Variants in DHRS7B observed in about 807,000 individuals in gnomAD.
The protein encoded by DHRS7B is peroxisomal reductase activating PPAR-gamma.
In DHRS7B, 24 loss-of-function variants were observed where a neutral mutation model predicts 26.4. The ratio of observed to expected loss-of-function variants is 0.91; its 90% CI spans 0.66 to 1.28. DHRS7B has a LOEUF of 1.28. DHRS7B is among the 50% of genes most tolerant of loss of function. DHRS7B has a pLI of 0.00. For synonymous variants in DHRS7B, 142 were observed against 166.4 expected (o/e 0.85, Z 1.13); for missense variants, 368 against 419.4 (o/e 0.88, Z 1.07).
At chr17:21,130,886 G>A (rs1261890107) in intron 1 of DHRS7B, among the ~76,000 whole-genome samples, 1 of 152,138 alleles carries the variant, frequency 6.6e-6, no homozygotes, top group Admixed American at 6.5e-5. Flanking sequence ...AAGCATGAGG[G>A]TGAAAATTGG....
At chr17:21,186,961 G>C (rs1974648506) in intron 5 of DHRS7B, among the ~76,000 whole-genome samples, 1 of 152,110 alleles carries the variant, frequency 6.6e-6, no homozygotes. Context: ...GTAACTCACT[G>C]GGGAGGACTA....
intron 1 of DHRS7B, among the ~76,000 whole-genome samples, chr17:21,144,839 T>C (rs1254654846): frequency 6.6e-6 from 1 of 151,720 alleles, no homozygotes; most frequent in African/African-American, 2.4e-5. Context: ...ATAATAATAA[T>C]ATTTTCCAAT....
chr17:21,150,968 A>G (rs1332268065), intron 1 of DHRS7B, among the ~76,000 whole-genome samples: 1 of 152,234 alleles, frequency 6.6e-6, no homozygotes, highest in Non-Finnish European at 1.5e-5. Context: ...TACCACAAAC[A>G]TTAATATACA....
At chr17:21,175,674 A>G (rs576682332) in intron 2 of DHRS7B, among the ~76,000 whole-genome samples, 32 of 152,336 alleles carry the variant, frequency 2.1e-4, no homozygotes, top group African/African-American at 7.5e-4. Context: ...GCAGTGGCTC[A>G]TGCCTGTAAT....
chr17:21,152,823 C>T (rs1973801252), intron 1 of DHRS7B, among the ~76,000 whole-genome samples: 2 of 152,158 alleles, frequency 1.3e-5, no homozygotes, highest in Non-Finnish European at 2.9e-5. Context: ...TCCTGTCCCA[C>T]CTGAAGGGGG....
At chr17:21,168,090 C>T (rs1312402072) in intron 1 of DHRS7B, among the ~76,000 whole-genome samples, 1 of 152,162 alleles carries the variant, frequency 6.6e-6, no homozygotes, top group Non-Finnish European at 1.5e-5. Context: ...ATCCTGACTT[C>T]CAAAGACAAG....
chr17:21,158,456 G>A (rs1189158573), intron 1 of DHRS7B, among the ~76,000 whole-genome samples: 1 of 152,184 alleles, frequency 6.6e-6, no homozygotes. Flanking sequence ...TCACTTTTCT[G>A]TATACCAGCC....
At chr17:21,188,341 T>C (rs1173446239) in intron 5 of DHRS7B, among the ~76,000 whole-genome samples, 2 of 152,216 alleles carry the variant, frequency 1.3e-5, no homozygotes, top group Admixed American at 1.3e-4. Flanking sequence ...TTTATAATTT[T>C]TTTCCTGAAC....
intron 3 of DHRS7B, among the ~76,000 whole-genome samples, chr17:21,179,503 G>GTA (rs1381919243): frequency 3.2e-4 from 49 of 152,096 alleles, no homozygotes; most frequent in Non-Finnish European, 6.8e-4. Flanking sequence ...AGAAGGCTGA[G>GTA]GCAGCAGAAT....
chr17:21,138,066 T>TAAAAAAAAAAAA (rs1555536184), intron 1 of DHRS7B, among the ~76,000 whole-genome samples: 3 of 35,244 alleles, frequency 8.5e-5, no homozygotes, highest in African/African-American at 5.2e-4. Context: ...CGGCCTCTTT[T>TAAAAAAAAAAAA]AAAAAAAAAA....
intron 2 of DHRS7B, among the ~76,000 whole-genome samples, chr17:21,177,494 G>C (rs911813976): frequency 6.6e-6 from 1 of 152,190 alleles, no homozygotes; most frequent in Admixed American, 6.5e-5. Flanking sequence ...GAATAGTGTG[G>C]TGGGCTTGGT....
rs1348041893 is a variant in DHRS7B, at chr17:21,191,080, C to T, written c.905C>T (p.Thr302Ile). ...CCTTCCTTGGCTGTTTATCTTCGAA[C>T]TCTGGCTCCTGGGCTCTTCTTCAGC... ...LLPSLAVYLR[T>I]LAPGLFFSLM... The change falls in exon 7 of 7, where the codon ACT becomes ATT. Residue 302 changes from threonine (T) to isoleucine (I), a missense_variant. Thr to Ile is a moderately conservative substitution (Grantham distance 89, BLOSUM62 -1). Coordinates refer to ENST00000395511, the MANE Select transcript of DHRS7B (RefSeq NM_015510.5). The T allele has an allele frequency of 1.2e-6, 2 of 1,614,218 alleles. No individual in the cohort carries two copies. The highest frequency in any genetic ancestry group is 1.7e-6 in the Non-Finnish European group (2 of 1,180,050).
intron 1 of DHRS7B, among the ~76,000 whole-genome samples, chr17:21,151,388 C>A (rs1222876867): frequency 6.6e-6 from 1 of 152,032 alleles, no homozygotes; most frequent in East Asian, 1.9e-4. Flanking sequence ...TTGGCAGGCA[C>A]CTGTAATCCC....
At chr17:21,175,361 C>A (rs1054962435) in intron 2 of DHRS7B, among the ~76,000 whole-genome samples, 3 of 152,238 alleles carry the variant, frequency 2.0e-5, no homozygotes, top group Non-Finnish European at 4.4e-5. Flanking sequence ...ACCTTTCCTT[C>A]CCAGCTGAGG....
Position 21,178,249 on chromosome 17 carries a change from C to G in DHRS7B, c.216C>G (p.Phe72Leu). The change falls in exon 3 of 7, where the codon TTC becomes TTG. Residue 72 changes from phenylalanine (F) to leucine (L), a missense_variant. Transcript: ENST00000395511. ...SGLGKECAKV[F>L]YAAGAKLVLC... Reference sequence around the variant, plus strand: ...TTCCCTTAGAATGTGCAAAAGTCTTCTATGCTGCGGGTGCTAAACTGGTGC... The same window carrying G: ...TTCCCTTAGAATGTGCAAAAGTCTTGTATGCTGCGGGTGCTAAACTGGTGC... The G allele has an allele frequency of 3.1e-6, 5 of 1,614,252 alleles. No homozygotes were observed. Among genetic ancestry groups the G allele is most frequent in the Non-Finnish European group, 4.2e-6 (5 of 1,180,046 alleles).
In DHRS7B at chr17:21,183,596, G is replaced by T. The variant is rs777571423; in HGVS notation, c.312G>T (p.Val104=). 2 of 1,612,654 alleles carry T rather than the reference G, an allele frequency of 1.2e-6. No homozygotes were observed. The highest frequency in any genetic ancestry group is 1.7e-6 in the Non-Finnish European group (2 of 1,180,006). The part of the protein sequence containing the change: ...RELTASHATK[V]QTHKPYLVTF... Reference sequence around the variant, plus strand: ...TTGTATCTGTTGTATTTGACCAGGTGCAGACACACAAGCCTTACTTGGTGA... The same window carrying T: ...TTGTATCTGTTGTATTTGACCAGGTTCAGACACACAAGCCTTACTTGGTGA... The change falls in exon 4 of 7, where the codon GTG becomes GTT. Residue 104 remains valine, a splice_region_variant and synonymous_variant. Transcript: ENST00000395511.
At chr17:21,151,009 G>A (rs2143994661) in intron 1 of DHRS7B, among the ~76,000 whole-genome samples, 1 of 152,202 alleles carries the variant, frequency 6.6e-6, no homozygotes, top group African/African-American at 2.4e-5. Flanking sequence ...CTCCAAGTAG[G>A]ACAGACACAA....
At chr17:21,174,818 T>C (rs1974337380) in intron 2 of DHRS7B, among the ~76,000 whole-genome samples, 1 of 152,310 alleles carries the variant, frequency 6.6e-6, no homozygotes, top group Admixed American at 6.5e-5. Context: ...GGGAATGATT[T>C]ATAAACCGGA....
chr17:21,186,017 T>A (rs1974626625), intron 5 of DHRS7B, among the ~76,000 whole-genome samples: 1 of 152,138 alleles, frequency 6.6e-6, no homozygotes, highest in African/African-American at 2.4e-5. Flanking sequence ...TATTTTCAAG[T>A]TTTACTTTGA....
Sources: gnomAD v4.1 joint callset for allele counts (sites outside exome capture counted in the v4.1 genomes callset) on GRCh38, gnomAD v4.1.1 for gene constraint, MANE v1.5 for transcripts, NCBI Gene and HGNC (gene_info 2026-07-23, HGNC 2026-07-21) for gene names.